Variants in NUS1 observed in about 807,000 individuals in gnomAD.
NUS1 encodes dehydrodolichyl diphosphate synthase complex subunit NUS1.
For synonymous variants in NUS1, 135 were observed against 155.2 expected (o/e 0.87, Z 0.97); for missense variants, 292 against 382.9 (o/e 0.76, Z 1.98).
intron 1 of NUS1, among the ~76,000 whole-genome samples, chr6:117,684,457 C>G (rs1465686381): frequency 6.6e-6 from 1 of 152,212 alleles, no homozygotes; most frequent in Non-Finnish European, 1.5e-5. Flanking sequence ...ATTGTTCTTT[C>G]ACCTGGATTA....
chr6:117,688,139 C>G (rs970261296), intron 1 of NUS1, among the ~76,000 whole-genome samples: 1 of 152,242 alleles, frequency 6.6e-6, no homozygotes, highest in East Asian at 1.9e-4. Context: ...AGGGGAATCA[C>G]AAGCCTAGAG....
rs1183171193 is a variant in NUS1, at chr6:117,675,997, G to C, written c.327G>C (p.Glu109Asp). The C allele has an allele frequency of 1.9e-6, 3 of 1,549,658 alleles. No homozygotes were observed. The highest frequency in any genetic ancestry group is 8.7e-7 in the Non-Finnish European group (1 of 1,146,900). ...VHMGLVITEV[E>D]QEPSFSDIAS... ...TGGGCCTGGTGATCACCGAGGTGGA[G>C]CAGGAACCCAGCTTCTCGGACATCG... The change falls in exon 1 of 5, where the codon GAG becomes GAC. Residue 109 changes from glutamate to aspartate, a missense_variant. Transcript: ENST00000368494.
chr6:117,680,866 G>A (rs1773052065), intron 1 of NUS1, among the ~76,000 whole-genome samples: 1 of 152,106 alleles, frequency 6.6e-6, no homozygotes, highest in South Asian at 2.1e-4. Context: ...TCTTTCTAGT[G>A]CTATTTCCTT....
At chr6:117,705,502 T>C (rs1352650721) in intron 4 of NUS1, among the ~76,000 whole-genome samples, 1 of 152,226 alleles carries the variant, frequency 6.6e-6, no homozygotes, top group Non-Finnish European at 1.5e-5. Flanking sequence ...AGGCTCTTCC[T>C]TTGACCTATG....
chr6:117,710,181 G>A lies in NUS1; in HGVS notation c.*3166G>A, dbSNP rs183470925. ...GAGAAAATTTAAAGGTAAGAGTTAT[G>A]GTTTGTCTTATGCTGCATAGACTAT... On this transcript the variant is annotated 3_prime_UTR_variant, in exon 5 of 5. Coordinates refer to ENST00000368494, the MANE Select transcript of NUS1 (RefSeq NM_138459.5). The A allele has an allele frequency of 6.6e-6, 1 of 152,204 alleles. No individual in the cohort carries two copies. Among genetic ancestry groups the A allele is most frequent in the Admixed American group, 6.5e-5 (1 of 15,280 alleles). 9.4% of individuals were successfully genotyped at this position (152,204 alleles called of 1,614,324 possible).
intron 3 of NUS1, among the ~76,000 whole-genome samples, chr6:117,701,106 TA>T (rs1480320358): frequency 1.3e-5 from 2 of 151,956 alleles, no homozygotes; most frequent in African/African-American, 4.8e-5. Flanking sequence ...CTTTCTAATT[TA>T]AAAAAACTCT....
chr6:117,706,850 G>A, intron 4 of NUS1, 75 bp from the exon 5 acceptor site: 1 of 1,158,322 alleles, frequency 8.6e-7, no homozygotes, highest in Non-Finnish European at 1.3e-6. Flanking sequence ...CTTCTTTTTG[G>A]TCCTTATCTT....
At chr6:117,696,537 A>T (rs1773322966) in intron 3 of NUS1, among the ~76,000 whole-genome samples, 1 of 152,086 alleles carries the variant, frequency 6.6e-6, no homozygotes, top group Non-Finnish European at 1.5e-5. Flanking sequence ...GAAAAGAAAC[A>T]ACATACAATA....
chr6:117,684,931 A>G (rs1773114207), intron 1 of NUS1, among the ~76,000 whole-genome samples: 1 of 152,264 alleles, frequency 6.6e-6, no homozygotes, highest in African/African-American at 2.4e-5. Flanking sequence ...CATATACACT[A>G]GGATTACATA....
intron 1 of NUS1, among the ~76,000 whole-genome samples, chr6:117,686,057 C>G (rs1773134206): frequency 2.0e-5 from 3 of 151,200 alleles, no homozygotes; most frequent in South Asian, 2.1e-4. Flanking sequence ...ATCAGGAGAT[C>G]GAGACCATCC....
At chr6:117,706,109 A>C (rs1216458388) in intron 4 of NUS1, among the ~76,000 whole-genome samples, 1 of 152,216 alleles carries the variant, frequency 6.6e-6, no homozygotes, top group East Asian at 1.9e-4. Context: ...ATAAAGCTAC[A>C]TAAATTACAG....
rs73511217 is a variant in NUS1, at chr6:117,699,674, A to G, written c.692-3931A>G. Among the ~76,000 whole-genome samples the G allele has an allele frequency of 3.3e-3, 496 of 152,314 alleles. 2 individuals carry two copies. Among genetic ancestry groups the G allele is most frequent in the African/African-American group, 0.011 (468 of 41,582 alleles). ...AATCCGAAAATTTATATGGAATCAC[A>G]AAAAGACCCAGAATAGCCAAAGCTA... On this transcript the variant is annotated intron_variant, in intron 3 of 4. Transcript: ENST00000368494.
rs1247342643 is a variant in NUS1, at chr6:117,708,636, G to T, written c.*1621G>T. On this transcript the variant is annotated 3_prime_UTR_variant, in exon 5 of 5. Coordinates refer to ENST00000368494, the MANE Select transcript of NUS1 (RefSeq NM_138459.5). ...TGCACTGCATAATCCATTATACGTT[G>T]TACGACTTTTTTTTTTTGTTTTAAT... 4.8e-5 allele frequency: 7 copies of T among 146,954 alleles called. No homozygotes were observed. In the Admixed American group the frequency reaches 4.8e-4, roughly 10 times the overall value. 9.1% of individuals were successfully genotyped at this position (146,954 alleles called of 1,614,324 possible). A position where few individuals can be genotyped will look rare whatever the true frequency, so the allele number is the denominator to read the frequency against.
chr6:117,685,406 TCTTA>T (rs1773122603), intron 1 of NUS1, among the ~76,000 whole-genome samples: 1 of 151,706 alleles, frequency 6.6e-6, no homozygotes, highest in Non-Finnish European at 1.5e-5. Context: ...AGAGACAGGG[TCTTA>T]CTTTGTTGCC....
chr6:117,675,498 G>C lies in NUS1; in HGVS notation c.-173G>C, dbSNP rs2114673998. On this transcript the variant is annotated 5_prime_UTR_variant, in exon 1 of 5. Coordinates refer to ENST00000368494, the MANE Select transcript of NUS1 (RefSeq NM_138459.5). The stretch of plus-strand genomic sequence containing the variant: ...TACTGGGGGCGGGGCTGCCAAGGGA[G>C]GAGGAAGATGGCGGCGGGGGCGAGG... 1.5e-6 allele frequency: 1 copy of C among 648,948 alleles called. No individual in the cohort carries two copies. Among genetic ancestry groups the C allele is most frequent in the Non-Finnish European group, 2.6e-6 (1 of 378,396 alleles). 40.2% of individuals were successfully genotyped at this position (648,948 alleles called of 1,614,324 possible). A position where few individuals can be genotyped will look rare whatever the true frequency, so the allele number is the denominator to read the frequency against.
Position 117,702,008 on chromosome 6 carries a change from T to C in NUS1, c.692-1597T>C, listed in dbSNP as rs185144798. 9.8e-3 allele frequency among the ~76,000 whole-genome samples: 1,500 copies of C among 152,292 alleles called. 78 individuals carry two copies. The highest frequency in any genetic ancestry group is 0.092 in the Admixed American group (1,405 of 15,284). On this transcript the variant is annotated intron_variant, in intron 3 of 4. Transcript: ENST00000368494. ...TAAAGTTGCCACCAGTTCTCAAGTT[T>C]CCTTGGCTTTTGATTTTCACTGGAC...
Position 117,693,149 on chromosome 6 carries a change from A to G in NUS1, c.523A>G (p.Asn175Asp), listed in dbSNP as rs28362518. The G allele has an allele frequency of 6.8e-5, 110 of 1,612,708 alleles. No individual in the cohort carries two copies. Among genetic ancestry groups the G allele is most frequent in the Non-Finnish European group, 8.7e-5 (103 of 1,179,064 alleles). Residue 175 changes from asparagine (N) to aspartate (D), a missense_variant, in exon 2 of 5, where the codon AAT becomes GAT. By Grantham distance (23) the Asn-to-Asp change is conservative. Coordinates refer to ENST00000368494, the MANE Select transcript of NUS1 (RefSeq NM_138459.5). ...ATACTCACCAGAATTTGCAAATAGT[A>G]ATGACAAAGATGATCAAGGTAAGCA... is the stretch of plus-strand genomic sequence containing the variant. ...SKYSPEFANS[N>D]DKDDQVLNCH...
At chr6:117,687,803 T>G (rs1773161954) in intron 1 of NUS1, among the ~76,000 whole-genome samples, 1 of 152,186 alleles carries the variant, frequency 6.6e-6, no homozygotes, top group Non-Finnish European at 1.5e-5. Flanking sequence ...ACACTAGGCA[T>G]TTTAGGAAAC....
Position 117,707,506 on chromosome 6 carries a change from C to T in NUS1, c.*491C>T, listed in dbSNP as rs553483026. The T allele has an allele frequency of 0.046, 6,430 of 139,618 alleles. 154 individuals carry two copies. The highest frequency in any genetic ancestry group is 0.12 in the Middle Eastern group (34 of 288). 8.6% of individuals were successfully genotyped at this position (139,618 alleles called of 1,614,324 possible). On this transcript the variant is annotated 3_prime_UTR_variant, in exon 5 of 5. Transcript: ENST00000368494. ...GAAGCATTCTGAGTTGAAAGGAGCT[C>T]CAGAGGAGTGGAGTTCTGTGTTGCT...
Sources: allele counts gnomAD v4.1 joint callset (sites outside exome capture counted in the v4.1 genomes callset), GRCh38; gene constraint gnomAD v4.1.1; transcripts MANE v1.5; gene names NCBI Gene and HGNC (gene_info 2026-07-23, HGNC 2026-07-21).